The following PRKG1 variants were observed in gnomAD, a reference collection of about 807,000 sequenced individuals.
The protein encoded by PRKG1 is protein kinase cGMP-dependent 1, also known as cGMP-dependent protein kinase 1.
A neutral mutation model predicts 88.1 loss-of-function variants in PRKG1; 35 were observed. The observed-to-expected ratio is 0.40, with a 90% CI of 0.30 to 0.53. The LOEUF (loss-of-function observed/expected upper bound fraction) is 0.53, where lower values mean the gene tolerates loss of function less well. Among genes scored for constraint, PRKG1 ranks in the 20% least tolerant of loss-of-function variants. PRKG1 has a pLI of 0.59. For synonymous variants in PRKG1, 303 were observed against 292.5 expected (o/e 1.04, Z -0.37); for missense variants, 540 against 839.8 (o/e 0.64, Z 4.41).
chr10:51,965,350 T>C (rs192175129), intron 5 of PRKG1, among the ~76,000 whole-genome samples: 1 of 152,306 alleles, frequency 6.6e-6, no homozygotes, highest in Admixed American at 6.5e-5. Flanking sequence ...TTTCTGTTCC[T>C]GCATTAGTTT....
chr10:52,023,686 A>G (rs936520307), intron 5 of PRKG1, among the ~76,000 whole-genome samples: 4 of 152,042 alleles, frequency 2.6e-5, no homozygotes, highest in African/African-American at 7.2e-5. Context: ...GCATTTTTTC[A>G]TGTGTCTGTT....
intron 1 of PRKG1, among the ~76,000 whole-genome samples, chr10:51,117,650 A>G (rs893587224): frequency 6.6e-6 from 1 of 152,218 alleles, no homozygotes; most frequent in African/African-American, 2.4e-5. Context: ...TCTTTCTTCC[A>G]TTTCATAGAT....
chr10:51,707,651 G>A (rs1424345298), intron 3 of PRKG1, among the ~76,000 whole-genome samples: 1 of 151,552 alleles, frequency 6.6e-6, no homozygotes, highest in African/African-American at 2.4e-5. Flanking sequence ...TGTGTAAACT[G>A]CCACTCACTT....
chr10:52,290,489 G>A (rs1222673536), intron 17 of PRKG1, among the ~76,000 whole-genome samples, 199 bp downstream of exon 17: 4 of 152,102 alleles, frequency 2.6e-5, no homozygotes, highest in African/African-American at 9.7e-5. Context: ...CTGTAAATGT[G>A]TTTTACTCTT....
intron 2 of PRKG1, among the ~76,000 whole-genome samples, chr10:51,419,053 A>G (rs1258254039): frequency 6.6e-6 from 1 of 152,176 alleles, no homozygotes; most frequent in Admixed American, 6.5e-5. Context: ...AGGAAACCAT[A>G]CTAGCTTAGT....
intron 10 of PRKG1, among the ~76,000 whole-genome samples, chr10:52,252,988 G>A (rs1000143082): frequency 6.6e-6 from 1 of 152,036 alleles, no homozygotes; most frequent in Non-Finnish European, 1.5e-5. Flanking sequence ...TTCATTAACA[G>A]CATTATACAT....
At chr10:52,075,198 G>T (rs112086188) in intron 7 of PRKG1, among the ~76,000 whole-genome samples, 1 of 152,152 alleles carries the variant, frequency 6.6e-6, no homozygotes, top group African/African-American at 2.4e-5. Flanking sequence ...AAACTAGGGA[G>T]TAGTTACAGA....
At chr10:52,246,110 T>A (rs1841015698) in intron 9 of PRKG1, among the ~76,000 whole-genome samples, 1 of 152,156 alleles carries the variant, frequency 6.6e-6, no homozygotes, top group African/African-American at 2.4e-5. Context: ...GAGAGATGTT[T>A]AGTTCTTAAT....
At chr10:50,997,573 A>G (rs534828793) in intron 1 of PRKG1, among the ~76,000 whole-genome samples, 1 of 152,188 alleles carries the variant, frequency 6.6e-6, no homozygotes. Context: ...AGGTGATTTC[A>G]TAGTTGCTCA....
chr10:51,527,649 T>C (rs1304494021), intron 3 of PRKG1, among the ~76,000 whole-genome samples: 2 of 152,222 alleles, frequency 1.3e-5, no homozygotes, highest in African/African-American at 4.8e-5. Flanking sequence ...CTAGACGTTA[T>C]AGAGCGATTC....
intron 9 of PRKG1, among the ~76,000 whole-genome samples, chr10:52,187,075 GA>G (rs1380544084): frequency 6.6e-6 from 1 of 152,030 alleles, no homozygotes; most frequent in Non-Finnish European, 1.5e-5. Context: ...TCAAGATTTA[GA>G]AAACTTTATT....
intron 3 of PRKG1, among the ~76,000 whole-genome samples, chr10:51,624,116 A>G (rs913231473): frequency 1.3e-5 from 2 of 152,142 alleles, no homozygotes; most frequent in African/African-American, 2.4e-5. Flanking sequence ...CCTTTGATTC[A>G]TATGTTAGAG....
chr10:51,386,697 G>A (rs899672374), intron 2 of PRKG1, among the ~76,000 whole-genome samples: 1 of 152,052 alleles, frequency 6.6e-6, no homozygotes. Flanking sequence ...CACCCTCAGA[G>A]ACACACCCAA....
chr10:52,154,898 CT>C (rs1458981842), intron 8 of PRKG1, among the ~76,000 whole-genome samples: 3 of 152,134 alleles, frequency 2.0e-5, no homozygotes, highest in African/African-American at 7.2e-5. Flanking sequence ...TGATATTTGG[CT>C]TTCCTTTCCT....
At chr10:51,543,897 C>T (rs1035594643) in intron 3 of PRKG1, among the ~76,000 whole-genome samples, 1 of 152,098 alleles carries the variant, frequency 6.6e-6, no homozygotes, top group African/African-American at 2.4e-5. Context: ...GAAAACTCTC[C>T]TTATATAATT....
At chr10:52,134,773 C>A (rs551233138) in intron 8 of PRKG1, among the ~76,000 whole-genome samples, 17 of 152,166 alleles carry the variant, frequency 1.1e-4, no homozygotes, top group African/African-American at 4.1e-4. Context: ...GAGCTGGATG[C>A]CGAGCTCAGA....
At chr10:52,177,618 C>T (rs1042543927) in intron 9 of PRKG1, among the ~76,000 whole-genome samples, 2 of 151,872 alleles carry the variant, frequency 1.3e-5, no homozygotes, top group Non-Finnish European at 2.9e-5. Context: ...GTGATAAAGC[C>T]CTCTTGTCCC....
intron 5 of PRKG1, among the ~76,000 whole-genome samples, chr10:51,958,735 T>C (rs554989882): frequency 1.3e-5 from 2 of 152,140 alleles, no homozygotes; most frequent in Non-Finnish European, 2.9e-5. Flanking sequence ...TGGTCTGACA[T>C]AGAATCAGGC....
intron 2 of PRKG1, among the ~76,000 whole-genome samples, chr10:51,331,703 A>T (rs1055877193): frequency 2.0e-5 from 3 of 152,178 alleles, no homozygotes; most frequent in Non-Finnish European, 4.4e-5. Flanking sequence ...ACATATTTTC[A>T]TGCATGGATA....
Sources: gnomAD v4.1 joint callset for allele counts (sites outside exome capture counted in the v4.1 genomes callset) on GRCh38, gnomAD v4.1.1 for gene constraint, MANE v1.5 for transcripts, NCBI Gene and HGNC (gene_info 2026-07-23, HGNC 2026-07-21) for gene names.